Variants in NTN1 observed in about 807,000 individuals in gnomAD.
The protein encoded by NTN1 is netrin-1.
In NTN1, 11 loss-of-function variants were observed where a neutral mutation model predicts 54.2. The ratio of observed to expected loss-of-function variants is 0.20; its 90% confidence interval spans 0.13 to 0.34. The LOEUF is 0.34. NTN1 is among the 10% of genes least tolerant of loss of function. NTN1 has a pLI of 1.00. For synonymous variants in NTN1, 371 were observed against 382.0 expected (o/e 0.97, Z 0.33); for missense variants, 740 against 893.1 (o/e 0.83, Z 2.18).
the NTN1 span, among the ~76,000 whole-genome samples, chr17:9,007,382 T>G: frequency 3.3e-5 from 5 of 150,680 alleles, no homozygotes; most frequent in Non-Finnish European, 5.9e-5. Context: ...CCTTCCTTCC[T>G]TGTCTTTCTC....
intron 6 of NTN1, among the ~76,000 whole-genome samples, chr17:9,231,198 G>A (rs1376457183): frequency 6.6e-6 from 1 of 152,176 alleles, no homozygotes; most frequent in Non-Finnish European, 1.5e-5. Context: ...CATTGTTCCT[G>A]GGTTTCCTTC....
rs1157917383 is a variant in NTN1 at position 9,179,850 on chromosome 17, C to T, written c.1251C>T (p.Asn417=). Residue 417 remains asparagine, a synonymous_variant, in exon 4 of 7, where the codon AAC becomes AAT. Transcript: ENST00000173229. ...TGGGTGCTGCTGGCAAAACCTGCAACCAAACCACCGGCCAGTGTCCCTGCA... is the reference window on the plus strand; with the variant it reads ...TGGGTGCTGCTGGCAAAACCTGCAATCAAACCACCGGCCAGTGTCCCTGCA... ...HPVGAAGKTC[N]QTTGQCPCKD... 13 of 1,614,064 alleles carry T rather than the reference C, an allele frequency of 8.1e-6. No homozygotes were observed. The highest frequency in any genetic ancestry group is 1.0e-5 in the Non-Finnish European group (12 of 1,180,012).
intron 2 of NTN1, among the ~76,000 whole-genome samples, chr17:9,093,825 T>C (rs910095525): frequency 1.3e-5 from 2 of 152,128 alleles, no homozygotes; most frequent in African/African-American, 2.4e-5. Context: ...AATATAAAAA[T>C]TAGCTGGGCG....
At chr17:9,110,082 T>G (rs2092184810) in intron 2 of NTN1, among the ~76,000 whole-genome samples, 1 of 152,226 alleles carries the variant, frequency 6.6e-6, no homozygotes, top group South Asian at 2.1e-4. Flanking sequence ...GCTGTCCTTT[T>G]GTATCCTCTG....
At chr17:9,183,862 G>T (rs528580181) in intron 5 of NTN1, among the ~76,000 whole-genome samples, 1 of 152,182 alleles carries the variant, frequency 6.6e-6, no homozygotes, top group Non-Finnish European at 1.5e-5. Context: ...AGAGTGTACC[G>T]AGCCCTGCCA....
rs147846797 is a variant in NTN1 at position 9,236,027 on chromosome 17, C to A, written c.1487-3613C>A. 3.9e-5 allele frequency among the ~76,000 whole-genome samples: 6 copies of A among 152,172 alleles called. No homozygotes were observed. The East Asian group carries it at 1.2e-3, about 29-fold the overall frequency. On this transcript the variant is annotated intron_variant, in intron 6 of 6. Transcript: ENST00000173229. ...CAGCCTCTTATATAAGGACACTAAT[C>A]CCATCCACAGGGTGAGATCCTCATG...
At position 9,184,247 on chromosome 17, in the gene NTN1, G is replaced by C. The variant is rs149996758; in HGVS notation, c.1411+1278G>C. Among the ~76,000 whole-genome samples the C allele has an allele frequency of 6.7e-3, 1,016 of 152,334 alleles. 5 individuals carry two copies. The highest frequency in any genetic ancestry group is 0.027 in the Middle Eastern group (8 of 294). ...GAGTGCCAGAGGCAGCTCTGGGAAA[G>C]CCAAAGACAGTTGAGTCTTGCGTTG... On this transcript the variant is annotated intron_variant, in intron 5 of 6. Transcript: ENST00000173229.
At chr17:9,171,795 C>T (rs2092387675) in intron 3 of NTN1, 1 of 151,740 alleles carries the variant, frequency 6.6e-6, no homozygotes, top group Non-Finnish European at 1.5e-5. Context: ...GAGTCAGCTC[C>T]TTGGTGTCTG....
chr17:9,217,394 T>G (rs571069838), intron 5 of NTN1, among the ~76,000 whole-genome samples: 2 of 152,328 alleles, frequency 1.3e-5, no homozygotes, highest in South Asian at 4.1e-4. Context: ...CCTCATTGTC[T>G]TTATGGCTGT....
chr17:9,183,506 G>C (rs2092425184), intron 5 of NTN1: 2 of 360,494 alleles, frequency 5.5e-6, no homozygotes, highest in South Asian at 4.3e-5. Context: ...CCTGCACCGT[G>C]GTCACTGGCG....
At chr17:9,173,031 A>G (rs2092391501) in intron 3 of NTN1, 1 of 151,986 alleles carries the variant, frequency 6.6e-6, no homozygotes, top group South Asian at 2.1e-4. Flanking sequence ...CTCCTTCCCT[A>G]GGGCTCTCTG....
chr17:9,122,520 G>T (rs1046864296), intron 2 of NTN1, among the ~76,000 whole-genome samples: 4 of 152,128 alleles, frequency 2.6e-5, no homozygotes, highest in African/African-American at 9.7e-5. Flanking sequence ...GTGGAGGGGT[G>T]GGTCTCGGGA....
intron 2 of NTN1, among the ~76,000 whole-genome samples, chr17:9,072,564 T>C (rs2092035639): frequency 6.6e-6 from 1 of 152,028 alleles, no homozygotes; most frequent in Non-Finnish European, 1.5e-5. Flanking sequence ...CGGAGTAGCT[T>C]TGCGTGCCCG....
At position 9,179,889 on chromosome 17, in the gene NTN1, G is replaced by T. The variant is rs1014499318; in HGVS notation, c.1290G>T (p.Thr430=). Residue 430 remains threonine (T), a synonymous_variant, in exon 4 of 7, where the codon ACG becomes ACT. Transcript: ENST00000173229. ...TGQCPCKDGV[T]GITCNRCAKG... ...AGTGTCCCTGCAAGGACGGCGTGAC[G>T]GGTATCACCTGCAACCGCTGCGCCA... 1.2e-6 allele frequency: 2 copies of T among 1,614,070 alleles called. No individual in the cohort carries two copies. The highest frequency in any genetic ancestry group is 1.7e-6 in the Non-Finnish European group (2 of 1,180,026).
At chr17:9,020,499 T>C (rs1166165172), upstream of NTN1, among the ~76,000 whole-genome samples, 5 of 152,262 alleles carry the variant, frequency 3.3e-5, no homozygotes, top group Admixed American at 2.6e-4. Context: ...ACGAATGCCC[T>C]GCAGTGGAAG....
At chr17:9,012,493 AG>A in the NTN1 span, among the ~76,000 whole-genome samples, 3 of 151,394 alleles carry the variant, frequency 2.0e-5, no homozygotes, top group African/African-American at 7.3e-5. Flanking sequence ...CCAGGGTGAC[AG>A]AGTAAGACTC....
chr17:9,120,243 C>T (rs1355393816), intron 2 of NTN1, among the ~76,000 whole-genome samples: 1 of 151,120 alleles, frequency 6.6e-6, no homozygotes. Context: ...CGAGATCATG[C>T]CACTGCACTC....
intron 2 of NTN1, among the ~76,000 whole-genome samples, chr17:9,078,179 G>C (rs1192707015): frequency 1.3e-5 from 2 of 152,206 alleles, no homozygotes; most frequent in Non-Finnish European, 2.9e-5. Context: ...GCAGAAGAAT[G>C]GCGATCCCTT....
At chr17:9,228,650 C>T (rs1905680270) in intron 6 of NTN1, among the ~76,000 whole-genome samples, 1 of 152,186 alleles carries the variant, frequency 6.6e-6, no homozygotes, top group African/African-American at 2.4e-5. Context: ...TATTAGTCAC[C>T]CTTTTGTTGA....
Sources: allele counts gnomAD v4.1 joint callset (sites outside exome capture counted in the v4.1 genomes callset), GRCh38; gene constraint gnomAD v4.1.1; transcripts MANE v1.5; gene names NCBI Gene and HGNC (gene_info 2026-07-23, HGNC 2026-07-21).